STX17: variants seen among roughly 807,000 people sequenced by gnomAD.
The protein encoded by STX17 is syntaxin-17.
Under a neutral mutation model 35.9 loss-of-function variants are expected in STX17, and 29 were observed. That is an observed-to-expected ratio of 0.81 (90% CI 0.60 to 1.10). STX17 has a LOEUF of 1.10. STX17 is among the 50% of genes least tolerant of loss of function. The pLI, the probability that STX17 is intolerant of heterozygous loss-of-function variation, is 0.00. For missense variants in STX17, 312 were observed against 352.3 expected, an observed-to-expected ratio of 0.89 and a Z score of 0.92; for synonymous variants, 92 against 118.3, an observed-to-expected ratio of 0.78 and a Z score of 1.44.
intron 3 of STX17, chr9:99,945,773 A>T (rs754284938): frequency 2.1e-3 from 662 of 322,194 alleles, no homozygotes; most frequent in South Asian, 3.4e-3. Context: ...TGGAACAAAA[A>T]TTTTTTTTTT....
In STX17 at chr9:99,970,886, A is replaced by C. The variant is rs1830005426; in HGVS notation, c.*2213A>C. On this transcript the variant is annotated 3_prime_UTR_variant, in exon 8 of 8. Transcript: ENST00000259400. ...CTCACACTTGGTATTGGTATCTCTC[A>C]TTTTTACTGAGCCAGTGTGGAATAC... 6.6e-6 allele frequency among the ~76,000 whole-genome samples: 1 copy of C among 152,206 alleles called. No homozygotes were observed. The highest frequency in any genetic ancestry group is 2.4e-5 in the African/African-American group (1 of 41,530).
chr9:99,939,767 A>G lies in STX17; in HGVS notation c.189+10924A>G, dbSNP rs192908476. ...CTTACTATGTTTCAGATTTCCTTTGAGCATGTTTCTTCCACCCCTTTCATT... is the reference window on the plus strand; with the variant it reads ...CTTACTATGTTTCAGATTTCCTTTGGGCATGTTTCTTCCACCCCTTTCATT... On this transcript the variant is annotated intron_variant, in intron 3 of 7. Coordinates refer to ENST00000259400, the MANE Select transcript of STX17 (RefSeq NM_017919.3). Among the ~76,000 whole-genome samples, 180 of 152,206 alleles carry G rather than the reference A, an allele frequency of 1.2e-3. 1 individual carries two copies. Among genetic ancestry groups the G allele is most frequent in the African/African-American group, 4.2e-3 (174 of 41,524 alleles).
intron 3 of STX17, among the ~76,000 whole-genome samples, chr9:99,944,907 A>G (rs181521134): frequency 1.2e-4 from 18 of 152,300 alleles, no homozygotes; most frequent in African/African-American, 3.4e-4. Context: ...GTTTATAGAT[A>G]TATTTTATTA....
At chr9:99,911,688 A>G (rs1019143470) in intron 1 of STX17, among the ~76,000 whole-genome samples, 3 of 151,930 alleles carry the variant, frequency 2.0e-5, no homozygotes, top group Non-Finnish European at 4.4e-5. Context: ...GGCTCAAGGG[A>G]TCTTCCCACC....
chr9:99,916,783 T>C (rs1197578876), intron 2 of STX17, among the ~76,000 whole-genome samples: 1 of 152,232 alleles, frequency 6.6e-6, no homozygotes, highest in Non-Finnish European at 1.5e-5. Context: ...AGTTGTTTAG[T>C]AAATGGGTTC....
intron 3 of STX17, among the ~76,000 whole-genome samples, chr9:99,941,654 G>A (rs1829365889): frequency 1.3e-5 from 2 of 152,084 alleles, no homozygotes. Flanking sequence ...TCACTATCTT[G>A]ATTTATATGG....
chr9:99,931,061 A>C (rs544169340), intron 3 of STX17, among the ~76,000 whole-genome samples: 1 of 152,110 alleles, frequency 6.6e-6, no homozygotes, highest in East Asian at 1.9e-4. Context: ...GCTCACTGCA[A>C]TCTCCACCTC....
chr9:99,964,588 C>T (rs1169951973), intron 6 of STX17, among the ~76,000 whole-genome samples: 1 of 151,920 alleles, frequency 6.6e-6, no homozygotes, highest in Non-Finnish European at 1.5e-5. Context: ...ATGTGGGAGG[C>T]CTAAGCAGAT....
chr9:99,928,120 A>G (rs552442106), intron 2 of STX17, among the ~76,000 whole-genome samples: 2 of 152,272 alleles, frequency 1.3e-5, no homozygotes, highest in East Asian at 1.9e-4. Flanking sequence ...AAAATAACAT[A>G]TGATATTTGG....
intron 3 of STX17, among the ~76,000 whole-genome samples, chr9:99,931,571 C>A (rs1829125034): frequency 6.6e-6 from 1 of 151,430 alleles, no homozygotes; most frequent in African/African-American, 2.4e-5. Flanking sequence ...ATCCCATTTG[C>A]TTACACATTT....
chr9:99,946,929 G>A (rs1031969665), intron 3 of STX17, among the ~76,000 whole-genome samples: 7 of 151,784 alleles, frequency 4.6e-5, no homozygotes, highest in African/African-American at 1.5e-4. Context: ...CTCTCTTCTG[G>A]CTAGGTGTAT....
chr9:99,926,240 A>C (rs1828983066), intron 2 of STX17, among the ~76,000 whole-genome samples: 1 of 152,080 alleles, frequency 6.6e-6, no homozygotes, highest in Non-Finnish European at 1.5e-5. Flanking sequence ...AATACATGGA[A>C]CATATCATAA....
intron 3 of STX17, among the ~76,000 whole-genome samples, chr9:99,950,115 A>T (rs917220515): frequency 5.3e-5 from 8 of 151,994 alleles, no homozygotes; most frequent in African/African-American, 1.7e-4. Flanking sequence ...TTATAGCAAC[A>T]TATTAGAGGT....
At chr9:99,950,678 A>T (rs1203725782) in intron 3 of STX17, among the ~76,000 whole-genome samples, 1 of 151,960 alleles carries the variant, frequency 6.6e-6, no homozygotes, top group Non-Finnish European at 1.5e-5. Flanking sequence ...GAGAAGCCTT[A>T]TATATGTTAA....
intron 3 of STX17, among the ~76,000 whole-genome samples, chr9:99,933,086 A>AT (rs1829158193): frequency 6.6e-6 from 1 of 152,122 alleles, no homozygotes; most frequent in Admixed American, 6.5e-5. Context: ...TGCTTTTAAC[A>AT]TTCAAGTCTT....
chr9:99,912,938 A>G (rs1172330483), intron 1 of STX17, among the ~76,000 whole-genome samples: 1 of 152,064 alleles, frequency 6.6e-6, no homozygotes, highest in African/African-American at 2.4e-5. Flanking sequence ...GGGCTTGGTA[A>G]TAAACTCTCT....
chr9:99,944,646 C>A (rs1201328559), intron 3 of STX17, among the ~76,000 whole-genome samples: 1 of 151,906 alleles, frequency 6.6e-6, no homozygotes, highest in South Asian at 2.1e-4. Context: ...TCCCGAGTAG[C>A]TGGGATTACA....
chr9:99,922,945 A>G (rs1828916037), intron 2 of STX17, among the ~76,000 whole-genome samples: 1 of 152,200 alleles, frequency 6.6e-6, no homozygotes, highest in South Asian at 2.1e-4. Context: ...TTTTAAAAAG[A>G]TGAAGAAAAT....
In STX17 at chr9:99,913,634, G is replaced by T. The variant is rs539760312; in HGVS notation, c.-62-1544G>T. On this transcript the variant is annotated intron_variant, in intron 1 of 7. Transcript: ENST00000259400. ...TATTTTATTATCTTTCGTCCATTAG[G>T]TATGAATTTTCCTGTTTTGTTGGGT... 1.1e-4 allele frequency among the ~76,000 whole-genome samples: 17 copies of T among 151,992 alleles called. No individual in the cohort carries two copies. The East Asian group carries it at 3.1e-3, about 28-fold the overall frequency.
Sources: gnomAD v4.1 joint callset for allele counts (sites outside exome capture counted in the v4.1 genomes callset) on GRCh38, gnomAD v4.1.1 for gene constraint, MANE v1.5 for transcripts, NCBI Gene and HGNC (gene_info 2026-07-23, HGNC 2026-07-21) for gene names.